Variants in AVL9 observed in about 807,000 individuals in gnomAD.
The protein encoded by AVL9 is AVL9 cell migration associated.
AVL9 carries 49 observed loss-of-function variants against 79.2 expected under a neutral mutation model. The ratio of observed to expected loss-of-function variants is 0.62; its 90% confidence interval spans 0.49 to 0.79. The LOEUF is 0.79. Ranked by LOEUF, AVL9 falls within the 30% of genes least tolerant of loss-of-function variation. The pLI is 0.00. For missense variants in AVL9, 682 were observed against 776.8 expected, an observed-to-expected ratio of 0.88 and a Z score of 1.45; for synonymous variants, 299 against 280.6, an observed-to-expected ratio of 1.07 and a Z score of -0.65.
intron 6 of AVL9, 83 bp from the exon 7 acceptor site, chr7:32,553,644 C>A: frequency 2.2e-6 from 2 of 899,112 alleles, no homozygotes; most frequent in South Asian, 3.7e-5. Flanking sequence ...TTTAACCTTT[C>A]TTTCTGTTAA....
chr7:32,578,247 GTTTC>G (rs1791187234), intron 13 of AVL9, among the ~76,000 whole-genome samples: 1 of 152,028 alleles, frequency 6.6e-6, no homozygotes, highest in South Asian at 2.1e-4. Flanking sequence ...GATGGTAAAT[GTTTC>G]TTTCAGACCT....
At chr7:32,534,822 C>T (rs144186327) in intron 1 of AVL9, 3,540 of 152,252 alleles carry the variant, frequency 0.023, 150 homozygotes, top group African/African-American at 0.079. Flanking sequence ...GTGGCAGGCA[C>T]CAGTAATCCC....
Position 32,551,245 on chromosome 7 carries a change from T to C in AVL9, c.373-89T>C, listed in dbSNP as rs1392412773. 5 of 818,238 alleles carry C rather than the reference T, an allele frequency of 6.1e-6. No homozygotes were observed. In the East Asian group the frequency reaches 9.9e-5, roughly 16 times the overall value. The allele number at this position is 818,238 out of a possible 1,614,324, so 50.7% of individuals were successfully genotyped here. A position where few individuals can be genotyped will look rare whatever the true frequency, so the allele number is the denominator to read the frequency against. The stretch of plus-strand genomic sequence containing the variant: ...CTTTTTTCTCCAAATTAAAAAGTTG[T>C]GGGGTTCTGTTTGTTTTACTATTAT... On this transcript the variant is annotated intron_variant, in intron 4 of 15. Transcript: ENST00000318709.
intron 1 of AVL9, among the ~76,000 whole-genome samples, chr7:32,504,071 A>G (rs946264994): frequency 3.3e-5 from 5 of 152,322 alleles, no homozygotes; most frequent in African/African-American, 1.2e-4. Context: ...GGTGGGTGTG[A>G]TGCACTCCCA....
rs1562801579 is a variant in AVL9, at chr7:32,579,430, ATATATAT to A, written c.1689-781_1689-775del. ...ATATATAATATGTTATATATATAAT[ATATATAT>A]TATATATAATATATTATATATTATA... On this transcript the variant is annotated intron_variant, in intron 13 of 15. Coordinates refer to ENST00000318709, the MANE Select transcript of AVL9 (RefSeq NM_015060.3). Among the ~76,000 whole-genome samples the A allele has an allele frequency of 2.1e-3, 5 of 2,406 alleles. 2 individuals are homozygous for A. The highest frequency in any genetic ancestry group is 6.2e-3 in the African/African-American group (5 of 802). The allele number at this position is 2,406 out of a possible 152,430, so 1.6% of individuals were successfully genotyped here.
chr7:32,547,217 AT>A (rs1789556581), intron 3 of AVL9, among the ~76,000 whole-genome samples: 1 of 152,216 alleles, frequency 6.6e-6, no homozygotes, highest in Non-Finnish European at 1.5e-5. Context: ...TTAACAAAAC[AT>A]AGTTAGTTGT....
chr7:32,521,290 T>A (rs78239664), intron 1 of AVL9, among the ~76,000 whole-genome samples: 1 of 152,180 alleles, frequency 6.6e-6, no homozygotes, highest in Non-Finnish European at 1.5e-5. Flanking sequence ...CAGGAAAATG[T>A]GGGAAAGTTT....
intron 13 of AVL9, among the ~76,000 whole-genome samples, chr7:32,579,096 A>G (rs975480918): frequency 6.6e-6 from 1 of 151,238 alleles, no homozygotes; most frequent in African/African-American, 2.4e-5. Flanking sequence ...GTAGTTTGTT[A>G]TCATTTGAAG....
chr7:32,505,636 TTTTC>T (rs1444457752), intron 1 of AVL9, among the ~76,000 whole-genome samples: 5 of 152,320 alleles, frequency 3.3e-5, no homozygotes, highest in East Asian at 3.9e-4. Flanking sequence ...ATTAATATGA[TTTTC>T]TTTCTTTAAA....
chr7:32,541,092 G>A (rs561467019), intron 1 of AVL9, among the ~76,000 whole-genome samples: 7 of 151,594 alleles, frequency 4.6e-5, no homozygotes, highest in South Asian at 4.2e-4. Flanking sequence ...TAGTAGAGAC[G>A]GGGTTTCACC....
rs758275867 is a variant in AVL9 at position 32,551,404 on chromosome 7, C to T, written c.443C>T (p.Ser148Phe). ...GCATATTTTGAAGAGAAGGATTTTT[C>T]CCAAATTTCTATTCTAAAGGTAACT... Reference protein sequence around the residue: ...THAYFEEKDFSQISILKELYE... With the variant: ...THAYFEEKDFFQISILKELYE... The change falls in exon 5 of 16, where the codon TCC becomes TTC. Residue 148 changes from serine (S) to phenylalanine (F), a missense_variant. Ser to Phe is a radical substitution (Grantham distance 155). Coordinates refer to ENST00000318709, the MANE Select transcript of AVL9 (RefSeq NM_015060.3). 6.2e-7 allele frequency: 1 copy of T among 1,606,674 alleles called. No homozygotes were observed. Among genetic ancestry groups the T allele is most frequent in the Non-Finnish European group, 8.5e-7 (1 of 1,173,770 alleles).
At chr7:32,547,230 T>A (rs1268666882) in intron 3 of AVL9, among the ~76,000 whole-genome samples, 1 of 152,238 alleles carries the variant, frequency 6.6e-6, no homozygotes, top group African/African-American at 2.4e-5. Flanking sequence ...GTTAGTTGTT[T>A]ACATACTTTT....
intron 1 of AVL9, chr7:32,534,340 T>G (rs1257082743): frequency 6.6e-6 from 1 of 152,040 alleles, no homozygotes; most frequent in Non-Finnish European, 1.5e-5. Flanking sequence ...TCTGGGGATA[T>G]TTGATACATT....
chr7:32,540,149 C>G (rs1789110446), intron 1 of AVL9, among the ~76,000 whole-genome samples: 1 of 152,176 alleles, frequency 6.6e-6, no homozygotes, highest in African/African-American at 2.4e-5. Context: ...TTTTTAACAG[C>G]TGGACAAAAC....
Position 32,584,873 on chromosome 7 carries a change from A to G in AVL9, c.*966A>G, listed in dbSNP as rs951520946. The G allele has an allele frequency of 1.3e-5, 2 of 148,724 alleles. No homozygotes were observed. The highest frequency in any genetic ancestry group is 5.0e-5 in the African/African-American group (2 of 40,044). 9.2% of individuals were successfully genotyped at this position (148,724 alleles called of 1,614,324 possible). A position where few individuals can be genotyped will look rare whatever the true frequency, so the allele number is the denominator to read the frequency against. ...CAACCTCCATCTCCCGGGTTCAAGC[A>G]ATTCTTGTACCTCAGCCTCCCAAGT... is the stretch of plus-strand genomic sequence containing the variant. On this transcript the variant is annotated 3_prime_UTR_variant, in exon 16 of 16. Coordinates refer to ENST00000318709, the MANE Select transcript of AVL9 (RefSeq NM_015060.3).
intron 1 of AVL9, among the ~76,000 whole-genome samples, chr7:32,527,359 AGTTATGAGAAGT>A (rs1307123643): frequency 6.6e-6 from 1 of 152,228 alleles, no homozygotes; most frequent in Non-Finnish European, 1.5e-5. Flanking sequence ...TAATACCCTC[AGTTATGAGAAGT>A]GCAGATAGTT....
chr7:32,560,579 G>T (rs1562789608), intron 10 of AVL9, among the ~76,000 whole-genome samples: 2 of 152,022 alleles, frequency 1.3e-5, no homozygotes, highest in South Asian at 4.1e-4. Context: ...TCTCCCCCAA[G>T]GTCTTGAACC....
chr7:32,503,355 T>C (rs1165306821), intron 1 of AVL9, among the ~76,000 whole-genome samples: 4 of 26,602 alleles, frequency 1.5e-4, no homozygotes, highest in African/African-American at 3.4e-4. Flanking sequence ...GATATAGATA[T>C]AGAGAGATAT....
At chr7:32,566,742 G>T (rs191490073) in intron 10 of AVL9, among the ~76,000 whole-genome samples, 1 of 151,952 alleles carries the variant, frequency 6.6e-6, no homozygotes, top group Non-Finnish European at 1.5e-5. Flanking sequence ...AATTAGCCAG[G>T]CATGGTGGTG....
Sources: gnomAD v4.1 joint callset for allele counts (sites outside exome capture counted in the v4.1 genomes callset) on GRCh38, gnomAD v4.1.1 for gene constraint, MANE v1.5 for transcripts, NCBI Gene and HGNC (gene_info 2026-07-23, HGNC 2026-07-21) for gene names.